CD38: variants seen among roughly 807,000 people sequenced by gnomAD.
The protein encoded by CD38 is CD38 molecule, also known as ADP-ribosyl cyclase/cyclic ADP-ribose hydrolase 1.
CD38 carries 31 observed loss-of-function variants against 36.3 expected under a neutral mutation model. That is an observed-to-expected ratio of 0.85 (90% CI 0.64 to 1.15). The LOEUF (loss-of-function observed/expected upper bound fraction) is 1.15, where lower values mean the gene tolerates loss of function less well. CD38 is among the 50% of genes most tolerant of loss of function. The pLI, the probability that CD38 is intolerant of heterozygous loss-of-function variation, is 0.00. For synonymous variants in CD38, 131 were observed against 135.2 expected (o/e 0.97, Z 0.22); for missense variants, 380 against 371.9 (o/e 1.02, Z -0.18).
At chr4:15,782,701 G>A (rs1422777393) in intron 1 of CD38, among the ~76,000 whole-genome samples, 3 of 152,170 alleles carry the variant, frequency 2.0e-5, no homozygotes, top group Non-Finnish European at 4.4e-5. Flanking sequence ...CTTGAGCATA[G>A]AAACTGTTAA....
chr4:15,825,231 G>C (rs573854039), intron 3 of CD38: 4 of 502,356 alleles, frequency 8.0e-6, no homozygotes, highest in African/African-American at 1.9e-5. Context: ...TCACAGTTAC[G>C]CAGGCTGTAC....
At chr4:15,813,590 T>A (rs1723518705) in intron 1 of CD38, among the ~76,000 whole-genome samples, 1 of 152,110 alleles carries the variant, frequency 6.6e-6, no homozygotes, top group Non-Finnish European at 1.5e-5. Flanking sequence ...ATACTCTCCC[T>A]CCCCTTGCTC....
chr4:15,787,255 C>T (rs1166311468), intron 1 of CD38, among the ~76,000 whole-genome samples: 5 of 152,248 alleles, frequency 3.3e-5, no homozygotes, highest in Admixed American at 6.5e-5. Flanking sequence ...CACGTTGTCT[C>T]CTCTCATTAG....
intron 3 of CD38, among the ~76,000 whole-genome samples, chr4:15,827,299 T>C (rs1723869761): frequency 6.6e-6 from 1 of 152,212 alleles, no homozygotes; most frequent in South Asian, 2.1e-4. Context: ...TTTTGGACTT[T>C]ACACGGTGTT....
At chr4:15,788,575 G>A (rs942339571) in intron 1 of CD38, among the ~76,000 whole-genome samples, 2 of 152,072 alleles carry the variant, frequency 1.3e-5, no homozygotes, top group African/African-American at 4.8e-5. Context: ...GGGAGGTGGG[G>A]TGCATCTGAG....
chr4:15,816,044 C>A (rs1723587425), intron 1 of CD38, among the ~76,000 whole-genome samples: 1 of 151,890 alleles, frequency 6.6e-6, no homozygotes, highest in Non-Finnish European at 1.5e-5. Context: ...TTCATTGGTT[C>A]TGATTATGTG....
Position 15,778,689 on chromosome 4 carries a change from C to A in CD38, c.233+42C>A. ...GGCGCACCGGTGGGCACTGCGGGGACAGCAGGGCCCCGCGCGCAGGGAAGC... is the reference window on the plus strand; with the variant it reads ...GGCGCACCGGTGGGCACTGCGGGGAAAGCAGGGCCCCGCGCGCAGGGAAGC... On this transcript the variant is annotated intron_variant, in intron 1 of 7. Coordinates refer to ENST00000226279, the MANE Select transcript of CD38 (RefSeq NM_001775.4). The surrounding 1 kb of genome is among the most constrained non-coding windows in gnomAD (Gnocchi z 4.9). 7.2e-7 allele frequency: 1 copy of A among 1,384,216 alleles called. No individual in the cohort carries two copies. Among genetic ancestry groups the A allele is most frequent in the Non-Finnish European group, 1.0e-6 (1 of 983,836 alleles). The allele number at this position is 1,384,216 out of a possible 1,614,324, so 85.7% of individuals were successfully genotyped here. A position where few individuals can be genotyped will look rare whatever the true frequency, so the allele number is the denominator to read the frequency against.
chr4:15,849,145 A>T lies in CD38; in HGVS notation c.*543A>T, dbSNP rs1283135765. 1 of 152,208 alleles carries T rather than the reference A, an allele frequency of 6.6e-6. No individual in the cohort carries two copies. Among genetic ancestry groups the T allele is most frequent in the African/African-American group, 2.4e-5 (1 of 41,418 alleles). The allele number at this position is 152,208 out of a possible 1,614,324, so 9.4% of individuals were successfully genotyped here. A position where few individuals can be genotyped will look rare whatever the true frequency, so the allele number is the denominator to read the frequency against. ...CCCACGTACTTGGTGCTTTACCCCA[A>T]CCCTTCCAACAGTGCTGTGAGGTTG... On this transcript the variant is annotated 3_prime_UTR_variant, in exon 8 of 8. Coordinates refer to ENST00000226279, the MANE Select transcript of CD38 (RefSeq NM_001775.4).
At chr4:15,824,809 C>A (rs778809007) in intron 2 of CD38, 72 bp from the exon 3 acceptor site, 16 of 1,223,576 alleles carry the variant, frequency 1.3e-5, no homozygotes, top group Non-Finnish European at 1.9e-5. Context: ...TTTTCATTTA[C>A]AAAACTGTGG....
rs772931092 is a variant in CD38, at chr4:15,851,373, C to T, written c.*2771C>T. On this transcript the variant is annotated 3_prime_UTR_variant, in exon 8 of 8. Coordinates refer to ENST00000226279, the MANE Select transcript of CD38 (RefSeq NM_001775.4). ...TTGCTCATACACCTCATATTTTACT[C>T]GTAAATCTACTACTCCCTGTCTGCC... 7 of 152,156 alleles carry T rather than the reference C, an allele frequency of 4.6e-5. No homozygotes were observed. The highest frequency in any genetic ancestry group is 1.3e-4 in the Admixed American group (2 of 15,266). 9.4% of individuals were successfully genotyped at this position (152,156 alleles called of 1,614,324 possible).
At chr4:15,818,589 C>T (rs541958820) in intron 2 of CD38, among the ~76,000 whole-genome samples, 1 of 152,180 alleles carries the variant, frequency 6.6e-6, no homozygotes, top group Non-Finnish European at 1.5e-5. Flanking sequence ...CGATAGACAC[C>T]TCATACAGGA....
chr4:15,785,806 T>TC (rs562704433), intron 1 of CD38, among the ~76,000 whole-genome samples: 11 of 152,184 alleles, frequency 7.2e-5, no homozygotes, highest in Non-Finnish European at 1.5e-4. Flanking sequence ...CTCACTAACT[T>TC]CAAGAATGAA....
chr4:15,806,668 C>T (rs886175106), intron 1 of CD38, among the ~76,000 whole-genome samples: 2 of 152,240 alleles, frequency 1.3e-5, no homozygotes, highest in Admixed American at 1.3e-4. Context: ...GGGAGGTGAA[C>T]TCGACGGAAT....
At chr4:15,780,807 C>T (rs374833074) in intron 1 of CD38, among the ~76,000 whole-genome samples, 41 of 152,152 alleles carry the variant, frequency 2.7e-4, no homozygotes, top group African/African-American at 9.2e-4. Flanking sequence ...TTATCAGAAA[C>T]AGCTAAAAGA....
chr4:15,829,394 T>A (rs1242808583), intron 3 of CD38, among the ~76,000 whole-genome samples: 1 of 152,198 alleles, frequency 6.6e-6, no homozygotes, highest in Non-Finnish European at 1.5e-5. Context: ...TTTAGTTATT[T>A]TAAAACAGGG....
Position 15,838,077 on chromosome 4 carries a change from A to ATT in CD38, c.586-5_586-4dup. The ATT allele has an allele frequency of 3.2e-6, 4 of 1,263,910 alleles. No homozygotes were observed. Among genetic ancestry groups the ATT allele is most frequent in the Non-Finnish European group, 4.4e-6 (4 of 913,858 alleles). 78.3% of individuals were successfully genotyped at this position (1,263,910 alleles called of 1,614,324 possible). On this transcript the variant is annotated splice_polypyrimidine_tract_variant and intron_variant, in intron 4 of 7. Transcript: ENST00000226279. ...TAAGTTTGCATGATGAATGGTGGGC[A>ATT]TTTTTTTTTTTAAGTTTGCAGAAGC...
rs112166611 is a variant in CD38 at position 15,799,267 on chromosome 4, A to T, written c.234-17244A>T. On this transcript the variant is annotated intron_variant, in intron 1 of 7. Coordinates refer to ENST00000226279, the MANE Select transcript of CD38 (RefSeq NM_001775.4). ...GTAAGTGCTGTTTATCAAATAATCC[A>T]TCCTTTATCGAGGGTTTTCTGATGC... Among the ~76,000 whole-genome samples, 1,100 of 152,212 alleles carry T rather than the reference A, an allele frequency of 7.2e-3. 17 individuals carry two copies. The highest frequency in any genetic ancestry group is 0.025 in the African/African-American group (1,041 of 41,532).
In CD38 at chr4:15,787,747, G is replaced by C. The variant is rs532359550; in HGVS notation, c.233+9100G>C. ...GAAAGGAGTACTCAGACACAGGTAC[G>C]CAGTGAAAGAGCGGCTAGGGGACTG... On this transcript the variant is annotated intron_variant, in intron 1 of 7. Coordinates refer to ENST00000226279, the MANE Select transcript of CD38 (RefSeq NM_001775.4). 2.0e-5 allele frequency among the ~76,000 whole-genome samples: 3 copies of C among 152,322 alleles called. No homozygotes were observed. In the East Asian group the frequency reaches 5.8e-4, roughly 29 times the overall value.
intron 3 of CD38, 39 bp downstream of exon 3, chr4:15,825,055 G>A (rs769469815): frequency 2.6e-6 from 4 of 1,567,840 alleles, no homozygotes; most frequent in East Asian, 2.4e-5. Flanking sequence ...CAGGGATGTG[G>A]AGGGTGAACA....
Sources: gnomAD v4.1 joint callset for allele counts (sites outside exome capture counted in the v4.1 genomes callset) on GRCh38, gnomAD v4.1.1 for gene constraint, Gnocchi (gnomAD v3.1) non-coding constraint, MANE v1.5 for transcripts, NCBI Gene and HGNC (gene_info 2026-07-23, HGNC 2026-07-21) for gene names.